Variants in KIF22 observed in about 807,000 individuals in gnomAD.
KIF22 encodes kinesin family member 22.
In KIF22, 62 loss-of-function variants were observed where a neutral mutation model predicts 73.0. The ratio of observed to expected loss-of-function variants is 0.85; its 90% confidence interval spans 0.69 to 1.05. The LOEUF (loss-of-function observed/expected upper bound fraction) is 1.05. Ranked by LOEUF, KIF22 falls within the 50% of genes least tolerant of loss-of-function variation. The pLI, the probability that KIF22 is intolerant of heterozygous loss-of-function variation, is 0.00. For missense variants in KIF22, 854 were observed against 870.1 expected (o/e 0.98, Z 0.23); for synonymous variants, 411 against 340.1 (o/e 1.21, Z -2.29).
At chr16:29,792,357 T>C (rs922190140) in intron 1 of KIF22, 37 of 945,036 alleles carry the variant, frequency 3.9e-5, no homozygotes, top group Non-Finnish European at 4.3e-5. Flanking sequence ...TCTTCCCTCC[T>C]ACCCTGGACT....
rs577190600 is a variant in KIF22, at chr16:29,799,487, T to G, written c.983T>G (p.Leu328Arg). The change falls in exon 6 of 14, where the codon CTA becomes CGA. Residue 328 changes from leucine (L) to arginine (R), a missense_variant. Around this residue, in one of 3 missense-constraint regions of KIF22, gnomAD observed 245 missense variants for 351.8 expected, o/e 0.70. Coordinates refer to ENST00000160827, the MANE Select transcript of KIF22 (RefSeq NM_007317.3). ...VPYRDSKLTR[L>R]LQDSLGGSAH... ...TATCGGGACAGCAAGCTCACTCGCC[T>G]ATTGCAGGTCAGGCCCACCTGTCTC... The G allele has an allele frequency of 6.2e-7, 1 of 1,614,102 alleles. No homozygotes were observed. Among genetic ancestry groups the G allele is most frequent in the East Asian group, 2.2e-5 (1 of 44,882 alleles).
chr16:29,805,101 T>TC lies in KIF22; in HGVS notation c.1891-12dup, dbSNP rs1899322087. On this transcript the variant is annotated splice_polypyrimidine_tract_variant and intron_variant, in intron 12 of 13. Coordinates refer to ENST00000160827, the MANE Select transcript of KIF22 (RefSeq NM_007317.3). ...CCCCCGAGACCCTGTCCCCTATCGA[T>TC]CCTGTCCCGCCAGGTGGAGGACCTG... 1 of 1,611,354 alleles carries TC rather than the reference T, an allele frequency of 6.2e-7. No homozygotes were observed.
At chr16:29,793,900 A>G (rs1898886632) in intron 1 of KIF22, among the ~76,000 whole-genome samples, 1 of 152,166 alleles carries the variant, frequency 6.6e-6, no homozygotes, top group Non-Finnish European at 1.5e-5. Flanking sequence ...AGAGTGTCGC[A>G]TACTTCTGGG....
Position 29,799,159 on chromosome 16 carries a change from G to A in KIF22, c.734G>A (p.Arg245His). The change falls in exon 5 of 14, where the codon CGC becomes CAC. Residue 245 changes from arginine to histidine, a missense_variant. This residue lies in a region of KIF22 where 245 missense variants were observed against 351.8 expected (regional missense o/e 0.70). Transcript: ENST00000160827. ...GATRLNQRSS[R>H]SHAVLLVKVD... is the part of the protein sequence containing the mutation. ...ACCCGGCTCAACCAGCGCTCCTCCCGCAGTCATGCTGTGCTCCTGGTCAAG... is the reference window on the plus strand; with the variant it reads ...ACCCGGCTCAACCAGCGCTCCTCCCACAGTCATGCTGTGCTCCTGGTCAAG... 3.1e-6 allele frequency: 5 copies of A among 1,613,814 alleles called. No individual in the cohort carries two copies. The highest frequency in any genetic ancestry group is 2.2e-5 in the East Asian group (1 of 44,876).
At chr16:29,803,673 G>C (rs535189045) in intron 10 of KIF22, 65 bp downstream of exon 10, 18 of 1,310,476 alleles carry the variant, frequency 1.4e-5, no homozygotes, top group East Asian at 1.2e-4. Context: ...GGAAGTGTTA[G>C]GAGCAGCTGT....
rs1392618324 is a variant in KIF22 at position 29,791,189 on chromosome 16, C to G, written c.70+360C>G. ...AAGCAAGAGAAGAGTGGCGGACGCT[C>G]TAGCCACGAGGACGAGAAGAAGGGA... On this transcript the variant is annotated intron_variant, in intron 1 of 13. Coordinates refer to ENST00000160827, the MANE Select transcript of KIF22 (RefSeq NM_007317.3). The G allele has an allele frequency of 9.7e-6, 11 of 1,131,220 alleles. No individual in the cohort carries two copies. The East Asian group carries it at 2.2e-4, about 23-fold the overall frequency. 70.1% of individuals were successfully genotyped at this position (1,131,220 alleles called of 1,614,324 possible).
At chr16:29,801,406 C>G (rs1340075763) in intron 8 of KIF22, among the ~76,000 whole-genome samples, 2 of 152,152 alleles carry the variant, frequency 1.3e-5, no homozygotes, top group African/African-American at 4.8e-5. Context: ...AGGGTTAGTG[C>G]CCACTCTGTC....
At position 29,805,298 on chromosome 16, in the gene KIF22, T is replaced by C. The variant is rs1156657476; in HGVS notation, c.1986T>C (p.Cys662=). The change falls in exon 14 of 14, where the codon TGT becomes TGC. Residue 662 remains cysteine (C), a synonymous_variant. Coordinates refer to ENST00000160827, the MANE Select transcript of KIF22 (RefSeq NM_007317.3). ...NILGLAAGQR[C]GAS ...TGGGTCTCGCCGCCGGCCAGCGCTG[T>C]GGCGCCTCCTGACCGTCGTCTCCTC... The C allele has an allele frequency of 1.2e-6, 2 of 1,613,538 alleles. No individual in the cohort carries two copies. The highest frequency in any genetic ancestry group is 1.7e-6 in the Non-Finnish European group (2 of 1,179,976).
rs748021975 is a variant in KIF22, at chr16:29,799,433, C to T, written c.929C>T (p.Ala310Val). The T allele has an allele frequency of 4.3e-6, 7 of 1,614,104 alleles. No individual in the cohort carries two copies. In the East Asian group the frequency reaches 1.1e-4, roughly 26 times the overall value. The change falls in exon 6 of 14, where the codon GCG (alanine) becomes GTG (valine). Residue 310 changes from alanine (A) to valine (V), a missense_variant. Ala to Val is a moderately conservative substitution (Grantham distance 64, BLOSUM62 0). Coordinates refer to ENST00000160827, the MANE Select transcript of KIF22 (RefSeq NM_007317.3). Reference sequence around the variant, plus strand: ...TTTGTCCTGGGCAAAGTGGTAGATGCGCTGAATCAGGGCCTCCCTCGTGTA... The same window carrying T: ...TTTGTCCTGGGCAAAGTGGTAGATGTGCTGAATCAGGGCCTCCCTCGTGTA... ...SLFVLGKVVD[A>V]LNQGLPRVPY...
intron 9 of KIF22, 29 bp from the exon 10 acceptor site, chr16:29,803,420 G>T: frequency 6.2e-7 from 1 of 1,612,232 alleles, no homozygotes; most frequent in Non-Finnish European, 8.5e-7. Flanking sequence ...GTTGGGTCTG[G>T]ATCACATCTC....
Position 29,798,528 on chromosome 16 carries a change from A to G in KIF22, c.394+27A>G. The G allele has an allele frequency of 6.2e-7, 1 of 1,614,012 alleles. No individual in the cohort carries two copies. The highest frequency in any genetic ancestry group is 8.5e-7 in the Non-Finnish European group (1 of 1,180,012). On this transcript the variant is annotated intron_variant, in intron 3 of 13. Coordinates refer to ENST00000160827, the MANE Select transcript of KIF22 (RefSeq NM_007317.3). This position sits in a 1 kb window ranked among gnomAD's most constrained non-coding sequence, Gnocchi z 4.1. ...TGAGGGAGCCAGAAAAGAAACAGCTATGGGTCAGAAAGGGCTGGGGAAACG... is the reference window on the plus strand; with the variant it reads ...TGAGGGAGCCAGAAAAGAAACAGCTGTGGGTCAGAAAGGGCTGGGGAAACG...
At chr16:29,804,587 G>C in intron 11 of KIF22, 1 of 692,034 alleles carries the variant, frequency 1.4e-6, no homozygotes, top group Non-Finnish European at 2.6e-6. Flanking sequence ...AACTCCATGA[G>C]AAGGGTGCTA....
chr16:29,804,769 G>T, intron 11 of KIF22, 45 bp from the exon 12 acceptor site: 1 of 1,490,952 alleles, frequency 6.7e-7, no homozygotes, highest in Non-Finnish European at 9.1e-7. Context: ...GGAGCCCAAA[G>T]CACTTGGCTG....
intron 1 of KIF22, chr16:29,792,415 T>G: frequency 2.0e-6 from 2 of 985,224 alleles, no homozygotes; most frequent in Non-Finnish European, 2.4e-6. Context: ...ATGATGGAAA[T>G]GAACAAGCCA....
At position 29,796,960 on chromosome 16, in the gene KIF22, G is replaced by A. The variant is rs1048442931; in HGVS notation, c.138G>A (p.Val46=). 1.2e-6 allele frequency: 2 copies of A among 1,614,164 alleles called. No homozygotes were observed. Among genetic ancestry groups the A allele is most frequent in the Non-Finnish European group, 8.5e-7 (1 of 1,180,012 alleles). ...TRRPPPARVR[V]AVRLRPFVDG... ...GTCCACCTCCAGCTCGCGTAAGGGT[G>A]GCTGTGCGACTGCGGCCATTTGTGG... The change falls in exon 2 of 14, where the codon GTG becomes GTA. Residue 46 remains valine (V), a synonymous_variant. Coordinates refer to ENST00000160827, the MANE Select transcript of KIF22 (RefSeq NM_007317.3).
chr16:29,805,367 TAC>T lies in KIF22; in HGVS notation c.*59_*60del, dbSNP rs762691528. 1.3e-4 allele frequency: 211 copies of T among 1,568,458 alleles called. No individual in the cohort carries two copies. Among genetic ancestry groups the T allele is most frequent in the Non-Finnish European group, 1.7e-4 (191 of 1,148,732 alleles). On this transcript the variant is annotated 3_prime_UTR_variant, in exon 14 of 14. Coordinates refer to ENST00000160827, the MANE Select transcript of KIF22 (RefSeq NM_007317.3). ...TTTGTATAACCCCGTGTTGTGTAAATACAGTTTTTGCTCCGGTGCTTCCGCCT... is the reference window on the plus strand; with the variant it reads ...TTTGTATAACCCCGTGTTGTGTAAATAGTTTTTGCTCCGGTGCTTCCGCCT...
chr16:29,805,174 G>GGTGA lies in KIF22; in HGVS notation c.1950+1_1950+4dup. ...GGAAACAGATGGAGTCCTTCCTGAA[G>GGTGA]GTGAAGTCACGGCCCTGCCCCTCCT... On this transcript the variant is annotated frameshift_variant and splice_region_variant. Coordinates refer to ENST00000160827, the MANE Select transcript of KIF22 (RefSeq NM_007317.3). LOFTEE classifies it high-confidence loss of function. 1 of 1,614,110 alleles carries GGTGA rather than the reference G, an allele frequency of 6.2e-7. No homozygotes were observed. Among genetic ancestry groups the GGTGA allele is most frequent in the Non-Finnish European group, 8.5e-7 (1 of 1,180,014 alleles).
chr16:29,798,051 CT>C lies in KIF22; in HGVS notation c.267-320del, dbSNP rs1898997154. On this transcript the variant is annotated intron_variant, in intron 2 of 13. Transcript: ENST00000160827. The surrounding 1 kb of genome is among the most constrained non-coding windows in gnomAD (Gnocchi z 4.1). ...CTTCCTTGAGCAGAATCAGTTACTC[CT>C]TTGAGAGTGTGTTCTTATCTTCGTT... 6.6e-6 allele frequency among the ~76,000 whole-genome samples: 1 copy of C among 152,258 alleles called. No homozygotes were observed. The highest frequency in any genetic ancestry group is 1.5e-5 in the Non-Finnish European group (1 of 68,014).
intron 11 of KIF22, chr16:29,804,383 G>A (rs1899267317): frequency 1.3e-5 from 8 of 606,338 alleles, no homozygotes; most frequent in Non-Finnish European, 2.4e-5. Context: ...CCACACATAT[G>A]CACATACCCA....
Sources: allele counts gnomAD v4.1 joint callset (sites outside exome capture counted in the v4.1 genomes callset), GRCh38; gene constraint gnomAD v4.1.1; regional missense constraint gnomAD v4.1.1; non-coding constraint Gnocchi (gnomAD v3.1); transcripts MANE v1.5; gene names NCBI Gene and HGNC (gene_info 2026-07-23, HGNC 2026-07-21).